The following TCF20 variants were observed in gnomAD, a reference collection of about 807,000 sequenced individuals.
TCF20 encodes SPRE-binding protein.
In TCF20, 3 loss-of-function variants were observed where a neutral mutation model predicts 148.6. The observed-to-expected ratio is 0.02, with a 90% CI of 0.01 to 0.05. TCF20 has a LOEUF of 0.05. Among genes scored for constraint, TCF20 ranks in the 10% least tolerant of loss-of-function variants. The pLI, the probability that TCF20 is intolerant of heterozygous loss-of-function variation, is 1.00. For synonymous variants in TCF20, 1,049 were observed against 909.5 expected, an observed-to-expected ratio of 1.15 and a Z score of -2.76; for missense variants, 2,350 against 2,429.3, an observed-to-expected ratio of 0.97 and a Z score of 0.69.
intron 1 of TCF20, among the ~76,000 whole-genome samples, chr22:42,238,687 CAG>C (rs1452485849): frequency 6.6e-6 from 1 of 152,166 alleles, no homozygotes; most frequent in Non-Finnish European, 1.5e-5. Context: ...TCTGAGGTAA[CAG>C]AGAGACCTGA....
intron 1 of TCF20, among the ~76,000 whole-genome samples, chr22:42,259,833 C>G (rs1181049668): frequency 6.6e-6 from 1 of 152,102 alleles, no homozygotes; most frequent in Admixed American, 6.6e-5. Flanking sequence ...GGGAGATAAA[C>G]AAAAGGACAA....
chr22:42,221,119 G>C lies in TCF20; in HGVS notation c.-36-5778C>G, dbSNP rs142251000. ...TTTAGCAGCATGGTTCTGGGTTAGA[G>C]TTTGCAATGAGAAGTGCAAGAGAGA... On this transcript the variant is annotated intron_variant, in intron 1 of 5. Coordinates refer to ENST00000677622, the MANE Select transcript of TCF20 (RefSeq NM_001378418.1). 1.1e-3 allele frequency among the ~76,000 whole-genome samples: 163 copies of C among 152,332 alleles called. No homozygotes were observed. In the Middle Eastern group the frequency reaches 0.017, roughly 16 times the overall value.
At chr22:42,191,020 C>T (rs1426570104) in intron 2 of TCF20, among the ~76,000 whole-genome samples, 1 of 151,972 alleles carries the variant, frequency 6.6e-6, no homozygotes, top group Non-Finnish European at 1.5e-5. Context: ...TTTATGGAGG[C>T]AAAACAAAGG....
intron 1 of TCF20, among the ~76,000 whole-genome samples, chr22:42,241,678 T>C (rs950033825): frequency 3.3e-5 from 5 of 151,978 alleles, no homozygotes; most frequent in East Asian, 1.9e-4. Flanking sequence ...AGTACAAAAA[T>C]TGGCCAGGTG....
At chr22:42,163,780 T>G (rs1446492692) in intron 5 of TCF20, among the ~76,000 whole-genome samples, 1 of 152,200 alleles carries the variant, frequency 6.6e-6, no homozygotes, top group Non-Finnish European at 1.5e-5. Context: ...GCCGCCCCTG[T>G]GCTGAAGACT....
At chr22:42,203,332 C>G (rs1450745119) in intron 2 of TCF20, among the ~76,000 whole-genome samples, 1 of 152,046 alleles carries the variant, frequency 6.6e-6, no homozygotes, top group Non-Finnish European at 1.5e-5. Flanking sequence ...ATCGTGTACT[C>G]CTTATAAATT....
At chr22:42,259,804 C>CT (rs1444304487) in intron 1 of TCF20, among the ~76,000 whole-genome samples, 3 of 152,094 alleles carry the variant, frequency 2.0e-5, no homozygotes, top group African/African-American at 7.2e-5. Context: ...AGGAGGCATG[C>CT]TTAACCCTGA....
In TCF20 at chr22:42,212,205, T is replaced by C; in HGVS notation, c.3101A>G (p.Asn1034Ser). 1 of 1,614,228 alleles carries C rather than the reference T, an allele frequency of 6.2e-7. No homozygotes were observed. Among genetic ancestry groups the C allele is most frequent in the Non-Finnish European group, 8.5e-7 (1 of 1,180,040 alleles). ...RGPGGDPHHM[N>S]PHMTFSERAN... ...CCTCTCTGAAAAGGTCATGTGTGGA[T>C]TCATGTGATGAGGGTCTCCCCCTGG... The change falls in exon 2 of 6, where the codon AAT becomes AGT. Residue 1034 changes from asparagine to serine, a missense_variant. Around this residue, in one of 7 missense-constraint regions of TCF20, gnomAD observed 1,641 missense variants for 1,662.6 expected, o/e 0.99. Transcript: ENST00000677622.
chr22:42,177,390 G>A (rs1936515147), intron 3 of TCF20, among the ~76,000 whole-genome samples: 1 of 152,184 alleles, frequency 6.6e-6, no homozygotes, highest in Non-Finnish European at 1.5e-5. Context: ...ACTTTAGCCT[G>A]GGCGATAAGA....
At chr22:42,191,636 T>C (rs1294140353) in intron 2 of TCF20, among the ~76,000 whole-genome samples, 1 of 152,220 alleles carries the variant, frequency 6.6e-6, no homozygotes. Flanking sequence ...AAAATAATCC[T>C]AATCAGAGGG....
rs58945649 is a variant in TCF20 at position 42,188,293 on chromosome 22, C to CAAAA, written c.5656-8595_5656-8592dup. Among the ~76,000 whole-genome samples the CAAAA allele has an allele frequency of 2.9e-3, 144 of 49,454 alleles. 29 individuals are homozygous for CAAAA. The highest frequency in any genetic ancestry group is 0.019 in the Middle Eastern group (1 of 52). The allele number at this position is 49,454 out of a possible 152,430, so 32.4% of individuals were successfully genotyped here. ...GGGCAACAAGAGTGAAACTCCGTCT[C>CAAAA]AAAAAAAAAAAAAAAAAAAAAAAAA... On this transcript the variant is annotated intron_variant, in intron 2 of 5. Transcript: ENST00000677622.
chr22:42,171,891 G>T (rs964740693), intron 3 of TCF20, among the ~76,000 whole-genome samples: 2 of 152,208 alleles, frequency 1.3e-5, no homozygotes, highest in African/African-American at 2.4e-5. Context: ...GCAGCAAAGG[G>T]TGCCATCAGA....
intron 3 of TCF20, among the ~76,000 whole-genome samples, chr22:42,175,134 CAAT>C (rs1447609068): frequency 6.6e-6 from 1 of 151,922 alleles, no homozygotes; most frequent in Non-Finnish European, 1.5e-5. Context: ...GAAGAAAACA[CAAT>C]ATTACGATGT....
At position 42,222,543 on chromosome 22, in the gene TCF20, T is replaced by G. The variant is rs997543350; in HGVS notation, c.-36-7202A>C. Among the ~76,000 whole-genome samples, 186 of 152,156 alleles carry G rather than the reference T, an allele frequency of 1.2e-3. 1 individual carries two copies. The highest frequency in any genetic ancestry group is 1.9e-4 in the Non-Finnish European group (13 of 68,006). On this transcript the variant is annotated intron_variant, in intron 1 of 5. Transcript: ENST00000677622. ...ATCTTCCCAACACAATTTCTGCTTC[T>G]CCCCACCCTCTCAAACAAGCCTGCT...
rs1920932797 is a variant in TCF20, at chr22:42,210,298, G to A, written c.5008C>T (p.Leu1670=). ...TCAGTGCTGCTAGGTGGAGGGGTCAGTGACCTCTGACCCTTCCTGCCCCTC... is the reference window on the plus strand; with the variant it reads ...TCAGTGCTGCTAGGTGGAGGGGTCAATGACCTCTGACCCTTCCTGCCCCTC... ...LVRGRKGQRS[L]TPPPSSTESK... The change falls in exon 2 of 6, where the codon CTG becomes TTG. Residue 1670 remains leucine, a synonymous_variant. Coordinates refer to ENST00000677622, the MANE Select transcript of TCF20 (RefSeq NM_001378418.1). This position sits in a 1 kb window ranked among gnomAD's most constrained non-coding sequence, Gnocchi z 4.7. The A allele has an allele frequency of 2.5e-6, 4 of 1,614,068 alleles. No individual in the cohort carries two copies. The highest frequency in any genetic ancestry group is 2.5e-6 in the Non-Finnish European group (3 of 1,180,056).
At chr22:42,188,832 G>C (rs1337578625) in intron 2 of TCF20, among the ~76,000 whole-genome samples, 1 of 152,202 alleles carries the variant, frequency 6.6e-6, no homozygotes, top group Admixed American at 6.5e-5. Context: ...AGTTCACCTA[G>C]TGTCTACCCT....
chr22:42,246,799 C>T (rs1202105378), intron 1 of TCF20, among the ~76,000 whole-genome samples: 2 of 151,708 alleles, frequency 1.3e-5, no homozygotes, highest in Admixed American at 1.3e-4. Context: ...AACGCCATCT[C>T]TACCAAAAAT....
chr22:42,259,341 G>T (rs1445565913), intron 1 of TCF20, among the ~76,000 whole-genome samples: 1 of 152,156 alleles, frequency 6.6e-6, no homozygotes, highest in African/African-American at 2.4e-5. Flanking sequence ...ATTACTAGCA[G>T]GAGATGCCCA....
intron 1 of TCF20, among the ~76,000 whole-genome samples, chr22:42,328,144 C>T (rs1365795682): frequency 6.6e-6 from 1 of 152,150 alleles, no homozygotes; most frequent in African/African-American, 2.4e-5. Flanking sequence ...CCCTTCTCCA[C>T]CCACCCTCCC....
Sources: allele counts gnomAD v4.1 joint callset (sites outside exome capture counted in the v4.1 genomes callset), GRCh38; gene constraint gnomAD v4.1.1; regional missense constraint gnomAD v4.1.1; non-coding constraint Gnocchi (gnomAD v3.1); transcripts MANE v1.5; gene names NCBI Gene and HGNC (gene_info 2026-07-23, HGNC 2026-07-21).